The following SIDT2 variants were observed in gnomAD, a reference collection of about 807,000 sequenced individuals.
The protein encoded by SIDT2 is SID1 transmembrane family, member 2.
SIDT2 carries 68 observed loss-of-function variants against 114.4 expected under a neutral mutation model. The ratio of observed to expected loss-of-function variants is 0.59; its 90% CI spans 0.49 to 0.73. The LOEUF is 0.73. SIDT2 is among the 30% of genes least tolerant of loss of function. The pLI, the probability that SIDT2 is intolerant of heterozygous loss-of-function variation, is 0.00. For missense variants in SIDT2, 918 were observed against 1,097.1 expected (o/e 0.84, Z 2.31); for synonymous variants, 470 against 438.4 (o/e 1.07, Z -0.90).
chr11:117,181,532 A>G lies in SIDT2; in HGVS notation c.300A>G (p.Arg100=). The change falls in exon 2 of 26, where the codon CGA becomes CGG. Residue 100 remains arginine (R), a synonymous_variant. Coordinates refer to ENST00000324225, the MANE Select transcript of SIDT2 (RefSeq NM_001040455.2). ...CCTTCCAGGTGCCCCTAATCCTGCGAGGGATGTGAGTAGGATCTGGGCATC... is the reference window on the plus strand; with the variant it reads ...CCTTCCAGGTGCCCCTAATCCTGCGGGGGATGTGAGTAGGATCTGGGCATC... ...VVSFQVPLIL[R]GMFQRKYLYQ... 1 of 1,613,834 alleles carries G rather than the reference A, an allele frequency of 6.2e-7. No homozygotes were observed.
Position 117,179,132 on chromosome 11 carries a change from C to T in SIDT2, c.-132C>T, listed in dbSNP as rs967300177. The T allele has an allele frequency of 9.5e-6, 8 of 845,026 alleles. No individual in the cohort carries two copies. The Admixed American group carries it at 1.2e-4, about 12-fold the overall frequency. 52.3% of individuals were successfully genotyped at this position (845,026 alleles called of 1,614,324 possible). ...GGAGGGGACATTTCCTAATCTCAGG[C>T]CGGGGTTAAAGTTCTGGTCCTGGTG... On this transcript the variant is annotated 5_prime_UTR_variant, in exon 1 of 26. Transcript: ENST00000324225.
chr11:117,195,939 C>G (rs924913998), intron 25 of SIDT2, 24 bp downstream of exon 25: 1 of 1,614,224 alleles, frequency 6.2e-7, no homozygotes, highest in East Asian at 2.2e-5. Context: ...CCGGCCGAGC[C>G]GGGTGGGTAC....
In SIDT2 at chr11:117,190,604, TTCTC is replaced by T. The variant is rs1454921644; in HGVS notation, c.1618-12_1618-9del. 1 of 1,551,082 alleles carries T rather than the reference TTCTC, an allele frequency of 6.4e-7. No individual in the cohort carries two copies. Among genetic ancestry groups the T allele is most frequent in the Admixed American group, 1.9e-5 (1 of 51,498 alleles). ...TGCCTCACTTCCTCCCTCCCTTCCCTTCTCTCTCTCCCCAACAGGAATGTGGGAT... is the reference window on the plus strand; with the variant it reads ...TGCCTCACTTCCTCCCTCCCTTCCCTTCTCTCCCCAACAGGAATGTGGGAT... On this transcript the variant is annotated splice_polypyrimidine_tract_variant and intron_variant, in intron 17 of 25. Coordinates refer to ENST00000324225, the MANE Select transcript of SIDT2 (RefSeq NM_001040455.2). The surrounding 1 kb of genome is among the most constrained non-coding windows in gnomAD (Gnocchi z 4.1).
At chr11:117,187,270 G>A (rs1301002978) in intron 10 of SIDT2, 108 bp from the exon 11 acceptor site, 1 of 1,139,760 alleles carries the variant, frequency 8.8e-7, no homozygotes, top group South Asian at 1.2e-5. Flanking sequence ...CTCGTCTGCT[G>A]GCATGGCCTC....
intron 8 of SIDT2, among the ~76,000 whole-genome samples, chr11:117,185,319 A>G (rs2030454968): frequency 6.6e-6 from 1 of 151,990 alleles, no homozygotes; most frequent in Non-Finnish European, 1.5e-5. Context: ...AAGTGCTGAG[A>G]TTACAGGCGT....
At position 117,186,241 on chromosome 11, in the gene SIDT2, G is replaced by A. The variant is rs1184046517; in HGVS notation, c.962+18G>A. The A allele has an allele frequency of 2.5e-6, 4 of 1,610,876 alleles. No individual in the cohort carries two copies. The highest frequency in any genetic ancestry group is 1.3e-5 in the African/African-American group (1 of 74,938). On this transcript the variant is annotated intron_variant, in intron 9 of 25. Transcript: ENST00000324225. ...AACTGGAGGTAAAGTGGAACTGCTG[G>A]GCCTCCCCTGGTCTGGGTGGTTTGG...
At position 117,182,774 on chromosome 11, in the gene SIDT2, A is replaced by T; in HGVS notation, c.670A>T (p.Thr224Ser). The T allele has an allele frequency of 1.2e-6, 2 of 1,614,146 alleles. No homozygotes were observed. Among genetic ancestry groups the T allele is most frequent in the Non-Finnish European group, 1.7e-6 (2 of 1,180,020 alleles). The change falls in exon 6 of 26, where the codon ACG (threonine) becomes TCG (serine). Residue 224 changes from threonine to serine, a missense_variant. By Grantham distance (58) the Thr-to-Ser change is moderately conservative. This residue lies in a region of SIDT2 where 553 missense variants were observed against 600.1 expected (regional missense o/e 0.92). Transcript: ENST00000324225. Reference sequence around the variant, plus strand: ...CGTAGCCTTCATCGGCATGTACCAGACGATGACCAAGAAGGCGGCCATCAC... The same window carrying T: ...CGTAGCCTTCATCGGCATGTACCAGTCGATGACCAAGAAGGCGGCCATCAC... ...NNVAFIGMYQ[T>S]MTKKAAITVQ...
chr11:117,188,644 T>C lies in SIDT2; in HGVS notation c.1160-64T>C. 7.8e-7 allele frequency: 1 copy of C among 1,275,860 alleles called. No homozygotes were observed. Among genetic ancestry groups the C allele is most frequent in the Middle Eastern group, 1.9e-4 (1 of 5,388 alleles). 79.0% of individuals were successfully genotyped at this position (1,275,860 alleles called of 1,614,324 possible). A position where few individuals can be genotyped will look rare whatever the true frequency, so the allele number is the denominator to read the frequency against. ...TAATAATTGTTACAATTGCCTCAGA[T>C]GGGCGAGGGCCACTGTGGGTTTTGT... is the stretch of plus-strand genomic sequence containing the variant. On this transcript the variant is annotated intron_variant, in intron 12 of 25. Transcript: ENST00000324225. This position sits in a 1 kb window ranked among gnomAD's most constrained non-coding sequence, Gnocchi z 4.0.
rs2030594362 is a variant in SIDT2 at position 117,188,800 on chromosome 11, T to C, written c.1252T>C (p.Ser418Pro). ...CTACGACACATTGACCGACATCGAT[T>C]CCGACAAGAATGTCATTCGCACCAA... ...DDYDTLTDID[S>P]DKNVIRTKQY... is the part of the protein sequence containing the mutation. The change falls in exon 13 of 26, where the codon TCC (serine) becomes CCC (proline). Residue 418 changes from serine (S) to proline (P), a missense_variant. Coordinates refer to ENST00000324225, the MANE Select transcript of SIDT2 (RefSeq NM_001040455.2). The surrounding 1 kb of genome is among the most constrained non-coding windows in gnomAD (Gnocchi z 4.0). 1 of 1,614,060 alleles carries C rather than the reference T, an allele frequency of 6.2e-7. No individual in the cohort carries two copies. The highest frequency in any genetic ancestry group is 1.7e-5 in the Admixed American group (1 of 60,000).
chr11:117,192,989 A>G lies in SIDT2; in HGVS notation c.2105+123A>G, dbSNP rs1241981806. 4.3e-6 allele frequency: 6 copies of G among 1,396,928 alleles called. No homozygotes were observed. The highest frequency in any genetic ancestry group is 6.1e-6 in the Non-Finnish European group (6 of 983,038). The allele number at this position is 1,396,928 out of a possible 1,614,324, so 86.5% of individuals were successfully genotyped here. On this transcript the variant is annotated intron_variant, in intron 22 of 25. Transcript: ENST00000324225. The surrounding 1 kb of genome is among the most constrained non-coding windows in gnomAD (Gnocchi z 5.9). ...GGGCATAAGACATGGGGGCTAAGAG[A>G]GATCTTGGCCTCTCTTCTCTCTCTT...
intron 15 of SIDT2, 139 bp from the exon 16 acceptor site, chr11:117,189,813 C>G: frequency 1.4e-6 from 1 of 728,304 alleles, no homozygotes; most frequent in South Asian, 1.6e-5. Context: ...AGAAGGAACA[C>G]GTGCCTGCGG....
chr11:117,186,679 G>T (rs554490664), intron 10 of SIDT2, 43 bp downstream of exon 10: 1 of 1,519,296 alleles, frequency 6.6e-7, no homozygotes, highest in East Asian at 2.3e-5. Context: ...AGTGTGCTTT[G>T]TGTTTTGGGG....
In SIDT2 at chr11:117,181,417, CAG is replaced by C; in HGVS notation, c.188_189del (p.Glu63GlyfsTer61). On this transcript the variant is annotated frameshift_variant and splice_region_variant, in exon 2 of 26. Transcript: ENST00000324225. LOFTEE classifies it high-confidence loss of function. ...AGGCATTTCCATGTCGTTCTGCAGA[CAG>C]AGGGCGTGCGTGTGTCTGTGAACGT... 6.2e-7 allele frequency: 1 copy of C among 1,613,460 alleles called. No individual in the cohort carries two copies. Among genetic ancestry groups the C allele is most frequent in the Non-Finnish European group, 8.5e-7 (1 of 1,179,958 alleles).
Position 117,196,613 on chromosome 11 carries a change from A to G in SIDT2, c.*547A>G, listed in dbSNP as rs73008573. 4.6e-3 allele frequency: 765 copies of G among 164,610 alleles called. 1 individual carries two copies. Among genetic ancestry groups the G allele is most frequent in the Middle Eastern group, 0.016 (5 of 318 alleles). 10.2% of individuals were successfully genotyped at this position (164,610 alleles called of 1,614,324 possible). ...CAGCCAGGATGGATGGGGGTATGAG[A>G]TTTTGGGGGTTGGCCAGCTGGTGCC... is the stretch of plus-strand genomic sequence containing the variant. On this transcript the variant is annotated 3_prime_UTR_variant, in exon 26 of 26. Transcript: ENST00000324225. The surrounding 1 kb of genome is among the most constrained non-coding windows in gnomAD (Gnocchi z 4.9).
chr11:117,192,370 C>T lies in SIDT2; in HGVS notation c.1981+8C>T. ...TGGGCCGGTGGAAACTGGGTAAGGG[C>T]ACGCCCGGGGCAGGGCCTGGGGGAG... On this transcript the variant is annotated splice_region_variant and intron_variant, in intron 20 of 25. Transcript: ENST00000324225. The surrounding 1 kb of genome is among the most constrained non-coding windows in gnomAD (Gnocchi z 5.9). 1 of 1,558,266 alleles carries T rather than the reference C, an allele frequency of 6.4e-7. No individual in the cohort carries two copies.
At chr11:117,179,820 G>A (rs1433843304) in intron 1 of SIDT2, 2 of 186,402 alleles carry the variant, frequency 1.1e-5, no homozygotes, top group Admixed American at 1.1e-4. Flanking sequence ...AAACCTCAGG[G>A]GAATGAGACT....
intron 6 of SIDT2, among the ~76,000 whole-genome samples, chr11:117,183,447 G>A (rs761391257): frequency 6.6e-6 from 1 of 152,106 alleles, no homozygotes; most frequent in African/African-American, 2.4e-5. Context: ...AGACCAGCCT[G>A]GCCAACATGG....
At chr11:117,180,192 C>G (rs1158368011) in intron 1 of SIDT2, among the ~76,000 whole-genome samples, 2 of 152,214 alleles carry the variant, frequency 1.3e-5, no homozygotes, top group Non-Finnish European at 2.9e-5. Context: ...CTCTCCATGA[C>G]TGCCGTTTAC....
intron 4 of SIDT2, 165 bp downstream of exon 4, chr11:117,182,270 C>A: frequency 1.2e-6 from 1 of 826,076 alleles, no homozygotes; most frequent in Non-Finnish European, 1.9e-6. Context: ...GGACAGACAG[C>A]ATGGGACTGT....
Sources: allele counts gnomAD v4.1 joint callset (sites outside exome capture counted in the v4.1 genomes callset), GRCh38; gene constraint gnomAD v4.1.1; regional missense constraint gnomAD v4.1.1; non-coding constraint Gnocchi (gnomAD v3.1); transcripts MANE v1.5; gene names NCBI Gene and HGNC (gene_info 2026-07-23, HGNC 2026-07-21).